The following MCM2 variants were observed in gnomAD, a reference collection of about 807,000 sequenced individuals.
MCM2 encodes the protein minichromosome maintenance complex component 2, also known as DNA replication licensing factor MCM2.
Under a neutral mutation model 86.4 loss-of-function variants are expected in MCM2, and 49 were observed. The ratio of observed to expected loss-of-function variants is 0.57; its 90% CI spans 0.45 to 0.72. The LOEUF is 0.72. Among genes scored for constraint, MCM2 ranks in the 30% least tolerant of loss-of-function variants. MCM2 has a pLI of 0.00. For missense variants in MCM2, 1,038 were observed against 1,259.9 expected (o/e 0.82, Z 2.67); for synonymous variants, 475 against 484.6 (o/e 0.98, Z 0.26).
Position 127,617,214 on chromosome 3 carries a change from C to T in MCM2, c.1774-65C>T. 3 of 1,607,324 alleles carry T rather than the reference C, an allele frequency of 1.9e-6. No homozygotes were observed. Among genetic ancestry groups the T allele is most frequent in the Non-Finnish European group, 2.6e-6 (3 of 1,175,282 alleles). ...ATGGTGTTAATGGGGTCCATTGGGA[C>T]CTCATCGGAGACTTAGTAGTAGGGG... On this transcript the variant is annotated intron_variant, in intron 10 of 15. Transcript: ENST00000265056. This position sits in a 1 kb window ranked among gnomAD's most constrained non-coding sequence, Gnocchi z 4.1.
At position 127,598,619 on chromosome 3, in the gene MCM2, C is replaced by T. The variant is rs892161348; in HGVS notation, c.6+147C>T. ...GGCGCAGCTACTTTCTCGCCTGCACCCTGCGTGAGGCGACTCGCCTACCTA... is the reference window on the plus strand; with the variant it reads ...GGCGCAGCTACTTTCTCGCCTGCACTCTGCGTGAGGCGACTCGCCTACCTA... On this transcript the variant is annotated intron_variant, in intron 1 of 15. Coordinates refer to ENST00000265056, the MANE Select transcript of MCM2 (RefSeq NM_004526.4). 5.2e-6 allele frequency: 6 copies of T among 1,161,406 alleles called. No individual in the cohort carries two copies. The East Asian group carries it at 8.0e-5, about 15-fold the overall frequency. 71.9% of individuals were successfully genotyped at this position (1,161,406 alleles called of 1,614,324 possible).
intron 8 of MCM2, among the ~76,000 whole-genome samples, chr3:127,611,722 G>A (rs1432261967): frequency 1.3e-4 from 12 of 94,618 alleles, no homozygotes; most frequent in Admixed American, 8.3e-4. Flanking sequence ...TTTTTGAGAC[G>A]GAGTCTCGCT....
rs1362228002 is a variant in MCM2 at position 127,620,885 on chromosome 3, G to T, written c.2448+5G>T. ...GTCATGCGCAGCATGCGCAAGGTGG[G>T]TGTGCTCCGAGGTAGGGGCCTGATG... On this transcript the variant is annotated splice_donor_5th_base_variant and intron_variant, in intron 14 of 15. Coordinates refer to ENST00000265056, the MANE Select transcript of MCM2 (RefSeq NM_004526.4). The T allele has an allele frequency of 6.3e-7, 1 of 1,598,330 alleles. No individual in the cohort carries two copies. The highest frequency in any genetic ancestry group is 8.6e-7 in the Non-Finnish European group (1 of 1,169,420).
In MCM2 at chr3:127,620,740, A is replaced by G. The variant is rs757393611; in HGVS notation, c.2308A>G (p.Met770Val). The G allele has an allele frequency of 3.7e-6, 6 of 1,612,148 alleles. No individual in the cohort carries two copies. The highest frequency in any genetic ancestry group is 5.1e-6 in the Non-Finnish European group (6 of 1,178,542). ...CATTACGGTGCGGCACATCGAGTCC[A>G]TGATCCGCATGGCGGAGGCCCACGC... The part of the protein sequence containing the change: ...IPITVRHIES[M>V]IRMAEAHARI... Residue 770 changes from methionine to valine, a missense_variant, in exon 14 of 16, where the codon ATG becomes GTG. Around this residue, in one of 4 missense-constraint regions of MCM2, gnomAD observed 336 missense variants for 425.7 expected, o/e 0.79. Coordinates refer to ENST00000265056, the MANE Select transcript of MCM2 (RefSeq NM_004526.4).
Position 127,615,867 on chromosome 3 carries a change from T to G in MCM2, c.1434T>G (p.Phe478Leu). The G allele has an allele frequency of 1.2e-6, 2 of 1,613,298 alleles. No homozygotes were observed. Among genetic ancestry groups the G allele is most frequent in the Non-Finnish European group, 1.7e-6 (2 of 1,179,286 alleles). Residue 478 changes from phenylalanine to leucine, a missense_variant, in exon 9 of 16, where the codon TTT becomes TTG. Around this residue, in one of 4 missense-constraint regions of MCM2, gnomAD observed 399 missense variants for 507.2 expected, o/e 0.79. Transcript: ENST00000265056. Reference sequence around the variant, plus strand: ...GGTCTCCCTCCCTTTCTCAGATCTTTGCCAGCATTGCTCCTTCCATCTATG... The same window carrying G: ...GGTCTCCCTCCCTTTCTCAGATCTTGGCCAGCATTGCTCCTTCCATCTATG... ...SKDQQIGEKIFASIAPSIYGH... is the reference protein window; with the variant it reads ...SKDQQIGEKILASIAPSIYGH...
At position 127,598,465 on chromosome 3, in the gene MCM2, C is replaced by T. The variant is rs752264019; in HGVS notation, c.-2C>T. 5 of 1,613,002 alleles carry T rather than the reference C, an allele frequency of 3.1e-6. No individual in the cohort carries two copies. The South Asian group carries it at 4.4e-5, about 14-fold the overall frequency. On this transcript the variant is annotated 5_prime_UTR_variant, in exon 1 of 16. Transcript: ENST00000265056. ...AGTGGCGGAGAGGATCGTGGTACTGCTATGGCGGTGAGCGCGCTGGCGCGT... is the reference window on the plus strand; with the variant it reads ...AGTGGCGGAGAGGATCGTGGTACTGTTATGGCGGTGAGCGCGCTGGCGCGT...
At position 127,608,856 on chromosome 3, in the gene MCM2, A is replaced by T. The variant is rs1207523354; in HGVS notation, c.1261A>T (p.Asn421Tyr). The change falls in exon 8 of 16, where the codon AAC (asparagine) becomes TAC (tyrosine). Residue 421 changes from asparagine (N) to tyrosine (Y), a missense_variant. Physicochemically the swap from Asn to Tyr is moderately radical, Grantham distance 143. Around this residue, in one of 4 missense-constraint regions of MCM2, gnomAD observed 399 missense variants for 507.2 expected, o/e 0.79. Coordinates refer to ENST00000265056, the MANE Select transcript of MCM2 (RefSeq NM_004526.4). The part of the protein sequence containing the change: ...EIELTGIYHN[N>Y]YDGSLNTANG... The stretch of plus-strand genomic sequence containing the variant: ...GGAGCTGACTGGCATCTATCACAAC[A>T]ACTATGATGGCTCCCTCAACACTGC... The T allele has an allele frequency of 6.2e-7, 1 of 1,614,038 alleles. No homozygotes were observed. Among genetic ancestry groups the T allele is most frequent in the East Asian group, 2.2e-5 (1 of 44,894 alleles).
At chr3:127,608,620 G>A (rs951143805) in intron 7 of MCM2, 104 bp downstream of exon 7, 7 of 1,467,248 alleles carry the variant, frequency 4.8e-6, no homozygotes, top group Middle Eastern at 2.0e-4. Context: ...AGGGGCACTC[G>A]GGCTAGGATC....
chr3:127,602,360 A>G (rs1160413899), intron 2 of MCM2, among the ~76,000 whole-genome samples: 1 of 152,116 alleles, frequency 6.6e-6, no homozygotes, highest in Non-Finnish European at 1.5e-5. Flanking sequence ...TTCTGACAGT[A>G]GTTTGACAAT....
rs773014763 is a variant in MCM2 at position 127,621,265 on chromosome 3, C to G, written c.2604+37C>G. ...GAAGGGAGGTGAGGGTTGGGGTATG[C>G]TGACTTGGGAGCTGCCAGTCTCCTG... On this transcript the variant is annotated intron_variant, in intron 15 of 15. Coordinates refer to ENST00000265056, the MANE Select transcript of MCM2 (RefSeq NM_004526.4). 11 of 1,609,442 alleles carry G rather than the reference C, an allele frequency of 6.8e-6. No individual in the cohort carries two copies. The South Asian group carries it at 1.2e-4, about 18-fold the overall frequency.
intron 8 of MCM2, chr3:127,610,679 CTT>C (rs2074388536): frequency 2.4e-6 from 1 of 424,408 alleles, no homozygotes; most frequent in Non-Finnish European, 4.7e-6. Context: ...TATTGCGTGT[CTT>C]TGCATCCACC....
In MCM2 at chr3:127,606,607, C is replaced by T. The variant is rs2074353115; in HGVS notation, c.894-3C>T. 2 of 1,613,042 alleles carry T rather than the reference C, an allele frequency of 1.2e-6. No individual in the cohort carries two copies. The highest frequency in any genetic ancestry group is 1.7e-6 in the Non-Finnish European group (2 of 1,179,218). ...GCTTCTGATGCACCCTCTGCCTCCG[C>T]AGGCAGCTGCATCTGAACCAGCTGA... On this transcript the variant is annotated splice_region_variant and splice_polypyrimidine_tract_variant and intron_variant, in intron 5 of 15. Coordinates refer to ENST00000265056, the MANE Select transcript of MCM2 (RefSeq NM_004526.4). This position sits in a 1 kb window ranked among gnomAD's most constrained non-coding sequence, Gnocchi z 4.2.
Position 127,607,003 on chromosome 3 carries a change from C to G in MCM2, c.1101+186C>G, listed in dbSNP as rs17538488. On this transcript the variant is annotated intron_variant, in intron 6 of 15. Transcript: ENST00000265056. ...GCCAGTGGACTTAGCTTGGCCCACA[C>G]GACGTTTTTAGGAATTCAAGTCAAT... 7.2e-4 allele frequency among the ~76,000 whole-genome samples: 110 copies of G among 152,324 alleles called. No homozygotes were observed. The South Asian group carries it at 0.012, about 17-fold the overall frequency.
chr3:127,599,412 G>T lies in MCM2; in HGVS notation c.101G>T (p.Arg34Leu). The change falls in exon 2 of 16, where the codon CGT (arginine) becomes CTT (leucine). Residue 34 changes from arginine to leucine, a missense_variant. Physicochemically the swap from Arg to Leu is moderately radical, Grantham distance 102 (BLOSUM62 -2). Coordinates refer to ENST00000265056, the MANE Select transcript of MCM2 (RefSeq NM_004526.4). ...TCCAGCCCTGGCCGAAGCTCCCGGC[G>T]TACTGATGCCCTCACCTCCAGCCCT... is the stretch of plus-strand genomic sequence containing the variant. Reference protein sequence around the residue: ...LTSSPGRSSRRTDALTSSPGR... With the variant: ...LTSSPGRSSRLTDALTSSPGR... The T allele has an allele frequency of 6.2e-7, 1 of 1,614,118 alleles. No individual in the cohort carries two copies. The highest frequency in any genetic ancestry group is 8.5e-7 in the Non-Finnish European group (1 of 1,180,024).
Position 127,619,152 on chromosome 3 carries a change from G to T in MCM2, c.2139G>T (p.Glu713Asp), listed in dbSNP as rs776529419. ...EPAMPNTYGV[E>D]PLPQEVLKKY... ...CCATGCCCAACACGTATGGCGTGGA[G>T]CCCCTGCCCCAGGAGGTCCTGAAGA... The change falls in exon 13 of 16, where the codon GAG becomes GAT. Residue 713 changes from glutamate to aspartate, a missense_variant. Glu to Asp is a conservative substitution (Grantham distance 45). Transcript: ENST00000265056. 9 of 1,614,058 alleles carry T rather than the reference G, an allele frequency of 5.6e-6. No individual in the cohort carries two copies. The highest frequency in any genetic ancestry group is 7.6e-6 in the Non-Finnish European group (9 of 1,180,050).
intron 8 of MCM2, 106 bp downstream of exon 8, chr3:127,609,129 A>G (rs747454576): frequency 6.7e-6 from 8 of 1,196,358 alleles, no homozygotes; most frequent in Non-Finnish European, 9.5e-6. Flanking sequence ...ACCTTGCCTT[A>G]TTCCCCTGGA....
rs1489307077 is a variant in MCM2, at chr3:127,618,401, T to TG, written c.2013+321dup. 1.3e-5 allele frequency among the ~76,000 whole-genome samples: 2 copies of TG among 152,164 alleles called. No homozygotes were observed. The highest frequency in any genetic ancestry group is 4.8e-5 in the African/African-American group (2 of 41,438). On this transcript the variant is annotated intron_variant, in intron 12 of 15. Transcript: ENST00000265056. This position sits in a 1 kb window ranked among gnomAD's most constrained non-coding sequence, Gnocchi z 4.0. ...ATCTGAACTGGCCTCCTGGCACCCA[T>TG]GTAGACTGTCTTCCAGTTGAAGGCA...
chr3:127,618,567 G>C lies in MCM2; in HGVS notation c.2014-460G>C, dbSNP rs1372320216. Among the ~76,000 whole-genome samples, 1 of 152,010 alleles carries C rather than the reference G, an allele frequency of 6.6e-6. No individual in the cohort carries two copies. Among genetic ancestry groups the C allele is most frequent in the African/African-American group, 2.4e-5 (1 of 41,370 alleles). On this transcript the variant is annotated intron_variant, in intron 12 of 15. Coordinates refer to ENST00000265056, the MANE Select transcript of MCM2 (RefSeq NM_004526.4). This position sits in a 1 kb window ranked among gnomAD's most constrained non-coding sequence, Gnocchi z 4.0. Reference sequence around the variant, plus strand: ...TCGCTCCCTTCCCTCACCTGCACCTGCACCTGCCCTTCTCTCTCAAAAGGG... The same window carrying C: ...TCGCTCCCTTCCCTCACCTGCACCTCCACCTGCCCTTCTCTCTCAAAAGGG...
At chr3:127,614,021 A>C (rs1262642712) in intron 8 of MCM2, among the ~76,000 whole-genome samples, 4 of 152,182 alleles carry the variant, frequency 2.6e-5, no homozygotes, top group Non-Finnish European at 5.9e-5. Context: ...TCATGGCCTG[A>C]TCACCCCTTA....
Sources: allele counts gnomAD v4.1 joint callset (sites outside exome capture counted in the v4.1 genomes callset), GRCh38; gene constraint gnomAD v4.1.1; regional missense constraint gnomAD v4.1.1; non-coding constraint Gnocchi (gnomAD v3.1); transcripts MANE v1.5; gene names NCBI Gene and HGNC (gene_info 2026-07-23, HGNC 2026-07-21).